FAM20B: variants seen among roughly 807,000 people sequenced by gnomAD.
FAM20B encodes FAM20B glycosaminoglycan xylosylkinase, also known as glycosaminoglycan xylosylkinase.
FAM20B carries 23 observed loss-of-function variants against 43.8 expected under a neutral mutation model. That is an observed-to-expected ratio of 0.53 (90% CI 0.38 to 0.74). The LOEUF (loss-of-function observed/expected upper bound fraction) is 0.74. FAM20B is among the 30% of genes least tolerant of loss of function. FAM20B has a pLI of 0.00. For synonymous variants in FAM20B, 178 were observed against 192.4 expected, an observed-to-expected ratio of 0.93 and a Z score of 0.62; for missense variants, 440 against 510.5, an observed-to-expected ratio of 0.86 and a Z score of 1.33.
intron 7 of FAM20B, among the ~76,000 whole-genome samples, chr1:179,069,030 G>C (rs545692500): frequency 3.3e-5 from 5 of 152,234 alleles, no homozygotes; most frequent in Non-Finnish European, 1.5e-5. Flanking sequence ...TGTGCTGCAA[G>C]TGAGGCACAC....
intron 4 of FAM20B, 105 bp downstream of exon 4, chr1:179,054,743 GT>G (rs1651141610): frequency 1.7e-5 from 11 of 637,440 alleles, no homozygotes; most frequent in Non-Finnish European, 2.7e-5. Flanking sequence ...GAAGAACTCA[GT>G]GGAATACAAA....
chr1:179,037,772 G>A (rs971886110), intron 1 of FAM20B, among the ~76,000 whole-genome samples: 12 of 151,992 alleles, frequency 7.9e-5, no homozygotes, highest in African/African-American at 2.9e-4. Flanking sequence ...CAGGCGTGAG[G>A]CACTGTCCCC....
At chr1:179,033,215 T>G (rs910718190) in intron 1 of FAM20B, among the ~76,000 whole-genome samples, 6 of 152,220 alleles carry the variant, frequency 3.9e-5, no homozygotes, top group African/African-American at 1.4e-4. Context: ...TGTGTGAATG[T>G]GTGAGGTTAG....
chr1:179,026,460 C>G (rs1649785462), intron 1 of FAM20B, among the ~76,000 whole-genome samples: 2 of 152,270 alleles, frequency 1.3e-5, no homozygotes, highest in South Asian at 2.1e-4. Flanking sequence ...GTGACCGTCT[C>G]TCGTCCCCTT....
chr1:179,063,832 T>C, intron 4 of FAM20B, 95 bp from the exon 5 acceptor site: 5 of 807,204 alleles, frequency 6.2e-6, no homozygotes, highest in African/African-American at 1.7e-5. Context: ...TTCACCATGC[T>C]TATTTACTTA....
chr1:179,017,395 A>T, the FAM20B span, among the ~76,000 whole-genome samples: 3 of 152,224 alleles, frequency 2.0e-5, no homozygotes, highest in African/African-American at 4.8e-5. Flanking sequence ...TTGAGCTTTA[A>T]AAAGGACAAG....
intron 2 of FAM20B, among the ~76,000 whole-genome samples, chr1:179,048,229 A>G (rs1019323501): frequency 5.9e-5 from 9 of 152,318 alleles, no homozygotes; most frequent in Non-Finnish European, 1.2e-4. Flanking sequence ...AGGAAGTACT[A>G]AAAGGGACCT....
chr1:179,027,968 A>C (rs916058083), intron 1 of FAM20B, among the ~76,000 whole-genome samples: 3 of 152,108 alleles, frequency 2.0e-5, no homozygotes, highest in Non-Finnish European at 4.4e-5. Context: ...CATTCCCTTG[A>C]TTTCCATTTG....
intron 1 of FAM20B, among the ~76,000 whole-genome samples, chr1:179,030,412 C>T (rs1001893401): frequency 2.6e-5 from 4 of 152,088 alleles, no homozygotes; most frequent in Non-Finnish European, 4.4e-5. Flanking sequence ...TTGTATCATC[C>T]TTGGGCAGTG....
chr1:179,065,408 A>T (rs1038285024), intron 6 of FAM20B, among the ~76,000 whole-genome samples: 4 of 152,096 alleles, frequency 2.6e-5, no homozygotes, highest in Non-Finnish European at 5.9e-5. Context: ...AAGTGCTGGG[A>T]TTACAGGTGT....
intron 2 of FAM20B, among the ~76,000 whole-genome samples, chr1:179,048,197 G>A (rs995327271): frequency 3.9e-5 from 6 of 152,128 alleles, no homozygotes; most frequent in African/African-American, 1.2e-4. Flanking sequence ...CTAGAAGCGC[G>A]TAGAAGTGAA....
In FAM20B at chr1:179,042,496, G is replaced by A. The variant is rs561771555; in HGVS notation, c.-133-1219G>A. 6.6e-5 allele frequency among the ~76,000 whole-genome samples: 10 copies of A among 152,280 alleles called. No homozygotes were observed. The South Asian group carries it at 1.0e-3, about 16-fold the overall frequency. On this transcript the variant is annotated intron_variant, in intron 1 of 7. Transcript: ENST00000263733. The stretch of plus-strand genomic sequence containing the variant: ...AAAGAGGATGTCACAGCCCTGGCTC[G>A]GGGAGACCCTAGGTCTGAGCTCCAC...
At position 179,063,909 on chromosome 1, in the gene FAM20B, C is replaced by T; in HGVS notation, c.575-18C>T. The T allele has an allele frequency of 2.5e-6, 4 of 1,579,334 alleles. No individual in the cohort carries two copies. In the East Asian group the frequency reaches 9.0e-5, roughly 36 times the overall value. On this transcript the variant is annotated intron_variant, in intron 4 of 7. Transcript: ENST00000263733. Reference sequence around the variant, plus strand: ...TCGTTATTTCCTTAAGTGTATTTGGCTCCTTTCTGTCCTTTAGGAAACAAT... The same window carrying T: ...TCGTTATTTCCTTAAGTGTATTTGGTTCCTTTCTGTCCTTTAGGAAACAAT...
At chr1:179,020,213 T>C in the FAM20B span, among the ~76,000 whole-genome samples, 1 of 151,594 alleles carries the variant, frequency 6.6e-6, no homozygotes, top group Admixed American at 6.6e-5. Flanking sequence ...GTAAATGCCT[T>C]TGAAGGAGGG....
At chr1:179,071,033 G>A (rs967414448) in intron 7 of FAM20B, among the ~76,000 whole-genome samples, 7 of 151,754 alleles carry the variant, frequency 4.6e-5, no homozygotes, top group Non-Finnish European at 7.4e-5. Context: ...AGTGGCTCAC[G>A]CCTGTAATCC....
chr1:179,062,705 AT>A (rs1382580069), intron 4 of FAM20B, among the ~76,000 whole-genome samples: 1 of 152,062 alleles, frequency 6.6e-6, no homozygotes, highest in Non-Finnish European at 1.5e-5. Context: ...TCAAACTAGT[AT>A]TTCCAATTCT....
chr1:179,052,124 G>A (rs929061506), intron 3 of FAM20B, among the ~76,000 whole-genome samples: 1 of 151,952 alleles, frequency 6.6e-6, no homozygotes, highest in Non-Finnish European at 1.5e-5. Flanking sequence ...AACAACAAAC[G>A]GAGAAAACAC....
intron 2 of FAM20B, among the ~76,000 whole-genome samples, chr1:179,045,647 G>A (rs535200050): frequency 1.3e-5 from 2 of 152,256 alleles, no homozygotes; most frequent in South Asian, 2.1e-4. Context: ...GCTCATGCCT[G>A]TAATCCCAGC....
rs1557870815 is a variant in FAM20B, at chr1:179,043,834, GAA to G, written c.-11_-10del. 6.3e-7 allele frequency: 1 copy of G among 1,576,072 alleles called. No individual in the cohort carries two copies. The highest frequency in any genetic ancestry group is 1.2e-5 in the South Asian group (1 of 84,860). On this transcript the variant is annotated 5_prime_UTR_variant, in exon 2 of 8. Coordinates refer to ENST00000263733, the MANE Select transcript of FAM20B (RefSeq NM_014864.4). ...GAGCAAGAGTGGGTCAGGGGAGAAG[GAA>G]AAGAGGTCAACATGAAGCTAAAGCA...
Sources: allele counts gnomAD v4.1 joint callset (sites outside exome capture counted in the v4.1 genomes callset), GRCh38; gene constraint gnomAD v4.1.1; transcripts MANE v1.5; gene names NCBI Gene and HGNC (gene_info 2026-07-23, HGNC 2026-07-21).